Variants in MAGI3 observed in about 807,000 individuals in gnomAD.
MAGI3 encodes the protein membrane-associated guanylate kinase, WW and PDZ domain-containing protein 3.
A neutral mutation model predicts 121.8 loss-of-function variants in MAGI3; 43 were observed. That is an observed-to-expected ratio of 0.35 (90% CI 0.28 to 0.46). The LOEUF is 0.46. Among genes scored for constraint, MAGI3 ranks in the 20% least tolerant of loss-of-function variants. The pLI is 1.00. For missense variants in MAGI3, 1,547 were observed against 1,797.3 expected (o/e 0.86, Z 2.52); for synonymous variants, 553 against 639.3 (o/e 0.86, Z 2.04).
intron 1 of MAGI3, among the ~76,000 whole-genome samples, chr1:113,474,573 C>G (rs570520006): frequency 6.6e-6 from 1 of 152,052 alleles, no homozygotes; most frequent in East Asian, 1.9e-4. Context: ...CCGATGGTTG[C>G]GGATGTGTGG....
chr1:113,421,547 TTG>T (rs1309593486), intron 1 of MAGI3, among the ~76,000 whole-genome samples: 30 of 152,180 alleles, frequency 2.0e-4, no homozygotes, highest in African/African-American at 7.2e-4. Context: ...ATTTCTGTGA[TTG>T]TGTCTTTTTA....
intron 11 of MAGI3, among the ~76,000 whole-genome samples, chr1:113,644,931 T>G (rs1652750039): frequency 6.6e-6 from 1 of 152,166 alleles, no homozygotes; most frequent in Non-Finnish European, 1.5e-5. Flanking sequence ...GACAATTATA[T>G]TAAATGAATT....
In MAGI3 at chr1:113,480,554, G is replaced by C. The variant is rs77609418; in HGVS notation, c.317-68961G>C. Among the ~76,000 whole-genome samples, 462 of 152,264 alleles carry C rather than the reference G, an allele frequency of 3.0e-3. 12 individuals are homozygous for C. The highest frequency in any genetic ancestry group is 0.02 in the Admixed American group (306 of 15,296). On this transcript the variant is annotated intron_variant, in intron 1 of 20. Transcript: ENST00000307546. ...GCTATAGACATTGACCTGGTGCTAA[G>C]GTCTGTGGTGAAGTCATGTGCTCAC...
chr1:113,418,645 G>A (rs1042262866), intron 1 of MAGI3, among the ~76,000 whole-genome samples: 3 of 151,988 alleles, frequency 2.0e-5, no homozygotes, highest in Non-Finnish European at 4.4e-5. Flanking sequence ...GAAAGCACAT[G>A]GAGTTTGAGG....
intron 11 of MAGI3, among the ~76,000 whole-genome samples, chr1:113,644,604 A>G (rs17274550): frequency 0.22 from 33,028 of 152,186 alleles, 4,484 homozygotes; most frequent in South Asian, 0.39. Flanking sequence ...TTTCTAGAGT[A>G]ATTGTGGCCT....
chr1:113,459,035 T>C (rs1326944866), intron 1 of MAGI3, among the ~76,000 whole-genome samples: 1 of 152,220 alleles, frequency 6.6e-6, no homozygotes, highest in Admixed American at 6.5e-5. Context: ...CATCAATTGC[T>C]ATATACAAAC....
At chr1:113,671,867 T>C in intron 17 of MAGI3, 31 bp downstream of exon 17, 2 of 1,585,182 alleles carry the variant, frequency 1.3e-6, no homozygotes. Context: ...TTGTTTTTGT[T>C]TTTTTCTTAT....
chr1:113,612,189 G>A (rs1004597409), intron 6 of MAGI3, among the ~76,000 whole-genome samples: 6 of 151,974 alleles, frequency 3.9e-5, no homozygotes, highest in Non-Finnish European at 5.9e-5. Context: ...TGATCCGCCC[G>A]CCTTGGCCTC....
At chr1:113,576,228 A>AT (rs967880738) in intron 2 of MAGI3, among the ~76,000 whole-genome samples, 3 of 152,176 alleles carry the variant, frequency 2.0e-5, no homozygotes, top group African/African-American at 7.2e-5. Flanking sequence ...TACAAAAAAA[A>AT]ACTCCTGCAG....
chr1:113,608,066 G>A (rs553302132), intron 6 of MAGI3, among the ~76,000 whole-genome samples: 5 of 152,196 alleles, frequency 3.3e-5, no homozygotes, highest in South Asian at 2.1e-4. Context: ...AGAAGTAGAC[G>A]TCCTCTCCTC....
intron 1 of MAGI3, among the ~76,000 whole-genome samples, chr1:113,431,739 T>A (rs1289038293): frequency 6.6e-6 from 1 of 152,160 alleles, no homozygotes. Context: ...GAAAAAATAT[T>A]TTCAGATAGG....
At chr1:113,429,563 A>C (rs1237611057) in intron 1 of MAGI3, among the ~76,000 whole-genome samples, 1 of 152,156 alleles carries the variant, frequency 6.6e-6, no homozygotes, top group African/African-American at 2.4e-5. Context: ...GAAGGTGACC[A>C]ATCAGAGGCT....
At chr1:113,629,707 CCAAA>C (rs1159498845) in intron 9 of MAGI3, among the ~76,000 whole-genome samples, 2 of 146,786 alleles carry the variant, frequency 1.4e-5, no homozygotes, top group Admixed American at 6.9e-5. Flanking sequence ...TTACATTCTT[CCAAA>C]CAAACAAAGT....
At chr1:113,440,471 T>C (rs560637992) in intron 1 of MAGI3, among the ~76,000 whole-genome samples, 1 of 152,324 alleles carries the variant, frequency 6.6e-6, no homozygotes, top group African/African-American at 2.4e-5. Flanking sequence ...TGTGTCTATA[T>C]CTTTTATTAG....
At chr1:113,646,047 T>C (rs1461559556) in intron 11 of MAGI3, among the ~76,000 whole-genome samples, 1 of 152,176 alleles carries the variant, frequency 6.6e-6, no homozygotes, top group African/African-American at 2.4e-5. Context: ...AAGAGTATTA[T>C]CTTAAACATC....
At chr1:113,443,767 G>A (rs1465258585) in intron 1 of MAGI3, among the ~76,000 whole-genome samples, 1 of 152,156 alleles carries the variant, frequency 6.6e-6, no homozygotes, top group Non-Finnish European at 1.5e-5. Context: ...TTTAAGAAAA[G>A]TGTTTATATC....
At chr1:113,576,636 A>G (rs548997425) in intron 2 of MAGI3, 1 of 152,336 alleles carries the variant, frequency 6.6e-6, no homozygotes, top group Admixed American at 6.5e-5. Context: ...ATCAATTTTA[A>G]AGACACAAAC....
intron 1 of MAGI3, among the ~76,000 whole-genome samples, chr1:113,483,292 G>T (rs1400796985): frequency 1.3e-5 from 2 of 152,140 alleles, no homozygotes; most frequent in Admixed American, 1.3e-4. Context: ...CTGAATGTTT[G>T]TGTCTCCCCA....
At chr1:113,516,514 AT>A (rs781463702) in intron 1 of MAGI3, among the ~76,000 whole-genome samples, 5 of 152,044 alleles carry the variant, frequency 3.3e-5, no homozygotes, top group African/African-American at 4.8e-5. Context: ...TGCAAAAAAA[AT>A]AAATAGAATA....
Sources: gnomAD v4.1 joint callset for allele counts (sites outside exome capture counted in the v4.1 genomes callset) on GRCh38, gnomAD v4.1.1 for gene constraint, MANE v1.5 for transcripts, NCBI Gene and HGNC (gene_info 2026-07-23, HGNC 2026-07-21) for gene names.